The following ZNF423 variants were observed in gnomAD, a reference collection of about 807,000 sequenced individuals.
The protein encoded by ZNF423 is zinc finger protein 423.
ZNF423 carries 12 observed loss-of-function variants against 95.8 expected under a neutral mutation model. The ratio of observed to expected loss-of-function variants is 0.13; its 90% CI spans 0.08 to 0.20. The LOEUF (loss-of-function observed/expected upper bound fraction) is 0.20, where lower values mean the gene tolerates loss of function less well. Ranked by LOEUF, ZNF423 falls within the 10% of genes least tolerant of loss-of-function variation. The probability of loss-of-function intolerance (pLI) is 1.00; values close to 1 mark genes in which losing one functional copy is unlikely to be tolerated. For synonymous variants in ZNF423, 749 were observed against 711.9 expected, an observed-to-expected ratio of 1.05 and a Z score of -0.83; for missense variants, 1,316 against 1,737.1, an observed-to-expected ratio of 0.76 and a Z score of 4.31.
intron 7 of ZNF423, among the ~76,000 whole-genome samples, chr16:49,509,480 C>T (rs1967794308): frequency 2.6e-5 from 4 of 152,192 alleles, no homozygotes; most frequent in African/African-American, 7.2e-5. Flanking sequence ...CCCAGCACCT[C>T]GCCTCTCCTA....
At chr16:49,700,291 G>A (rs746952326) in intron 3 of ZNF423, among the ~76,000 whole-genome samples, 13 of 151,796 alleles carry the variant, frequency 8.6e-5, no homozygotes, top group South Asian at 2.1e-4. Context: ...TTGGAAATTG[G>A]TCGGAACAAA....
At chr16:49,670,004 G>A (rs1701850268) in intron 3 of ZNF423, among the ~76,000 whole-genome samples, 1 of 152,246 alleles carries the variant, frequency 6.6e-6, no homozygotes, top group African/African-American at 2.4e-5. Context: ...GAGACGCCAA[G>A]GGCAAGCCCC....
chr16:49,735,531 TCCTCCA>T, intron 2 of ZNF423, among the ~76,000 whole-genome samples: 1 of 152,138 alleles, frequency 6.6e-6, no homozygotes, highest in Non-Finnish European at 1.5e-5. Flanking sequence ...GACCGAATTC[TCCTCCA>T]CAGTCCCCCT....
At chr16:49,692,221 C>CTGG (rs1413972255) in intron 3 of ZNF423, among the ~76,000 whole-genome samples, 1 of 152,094 alleles carries the variant, frequency 6.6e-6, no homozygotes, top group East Asian at 1.9e-4. Flanking sequence ...TCCCAAAGTG[C>CTGG]TGGGATGACA....
intron 4 of ZNF423, among the ~76,000 whole-genome samples, chr16:49,627,415 C>G (rs1372379888): frequency 6.7e-6 from 1 of 149,800 alleles, no homozygotes; most frequent in Non-Finnish European, 1.5e-5. Context: ...TCCACCCATC[C>G]ATCCATCCTC....
chr16:49,630,964 T>A (rs1267031376), intron 4 of ZNF423, among the ~76,000 whole-genome samples: 1 of 151,974 alleles, frequency 6.6e-6, no homozygotes, highest in African/African-American at 2.4e-5. Context: ...TGCATTCACA[T>A]GCTCACTTTC....
At chr16:49,660,302 T>C (rs1478404447) in intron 3 of ZNF423, among the ~76,000 whole-genome samples, 1 of 152,148 alleles carries the variant, frequency 6.6e-6, no homozygotes, top group Non-Finnish European at 1.5e-5. Context: ...GATGGATGGA[T>C]GAAATACTGA....
intron 3 of ZNF423, among the ~76,000 whole-genome samples, chr16:49,722,880 C>A (rs932046553): frequency 2.0e-5 from 3 of 152,056 alleles, no homozygotes; most frequent in Non-Finnish European, 4.4e-5. Context: ...TGATCTGTGC[C>A]ATTCTGGTAT....
intron 3 of ZNF423, among the ~76,000 whole-genome samples, chr16:49,646,437 G>A (rs1973169376): frequency 6.6e-6 from 1 of 152,106 alleles, no homozygotes; most frequent in African/African-American, 2.4e-5. Flanking sequence ...TGTAAAACTA[G>A]CATCAGTGTA....
At chr16:49,685,218 C>A (rs985254637) in intron 3 of ZNF423, among the ~76,000 whole-genome samples, 6 of 152,178 alleles carry the variant, frequency 3.9e-5, no homozygotes, top group Non-Finnish European at 7.4e-5. Context: ...GCAGAATCTT[C>A]CCCCATCAAG....
intron 3 of ZNF423, among the ~76,000 whole-genome samples, chr16:49,689,008 C>T (rs1032276812): frequency 6.6e-6 from 1 of 152,200 alleles, no homozygotes; most frequent in African/African-American, 2.4e-5. Flanking sequence ...TACCAGGCAC[C>T]TCAGGAGATC....
At chr16:49,854,285 T>C in intron 1 of ZNF423, 1 of 985,382 alleles carries the variant, frequency 1.0e-6, no homozygotes, top group African/African-American at 1.7e-5. Context: ...TTGGACTCAG[T>C]TGGTCTCCTT....
intron 3 of ZNF423, among the ~76,000 whole-genome samples, chr16:49,717,225 C>A (rs1481761575): frequency 1.3e-5 from 2 of 151,880 alleles, no homozygotes; most frequent in Non-Finnish European, 2.9e-5. Context: ...CCCCCACTGC[C>A]CTGGCACACA....
chr16:49,823,350 A>C (rs535040198), intron 1 of ZNF423, among the ~76,000 whole-genome samples: 1 of 152,336 alleles, frequency 6.6e-6, no homozygotes, highest in Admixed American at 6.5e-5. Flanking sequence ...TCTGCTAAGC[A>C]CTTTACACAC....
chr16:49,609,681 A>C lies in ZNF423; in HGVS notation c.3601+16489T>G, dbSNP rs762701936. 2.5e-4 allele frequency among the ~76,000 whole-genome samples: 38 copies of C among 152,220 alleles called. No individual in the cohort carries two copies. The Middle Eastern group carries it at 0.01, about 41-fold the overall frequency. The stretch of plus-strand genomic sequence containing the variant: ...AGATAGAATAATAAAAATCACCCAG[A>C]GTTTCAGGGGCCAGTGGGACTATAA... On this transcript the variant is annotated intron_variant, in intron 5 of 7. Coordinates refer to ENST00000563137, the MANE Select transcript of ZNF423 (RefSeq NM_001379286.1).
chr16:49,794,211 GT>G (rs945996895), intron 1 of ZNF423, among the ~76,000 whole-genome samples: 4 of 147,036 alleles, frequency 2.7e-5, no homozygotes, highest in Admixed American at 6.9e-5. Context: ...GATTTTTGTA[GT>G]TTTTTTTGTT....
At chr16:49,791,033 G>A (rs1011140861) in intron 1 of ZNF423, among the ~76,000 whole-genome samples, 1 of 152,124 alleles carries the variant, frequency 6.6e-6, no homozygotes, top group Non-Finnish European at 1.5e-5. Context: ...TGTAACCATG[G>A]TCTTCCTCCT....
At chr16:49,823,750 T>A (rs1371541001) in intron 1 of ZNF423, among the ~76,000 whole-genome samples, 1 of 151,996 alleles carries the variant, frequency 6.6e-6, no homozygotes, top group Non-Finnish European at 1.5e-5. Flanking sequence ...CACACACACA[T>A]ACACACTTGC....
chr16:49,550,837 C>T (rs1027847231), intron 5 of ZNF423, among the ~76,000 whole-genome samples: 5 of 152,258 alleles, frequency 3.3e-5, no homozygotes, highest in African/African-American at 1.2e-4. Flanking sequence ...TGCCCCCAGC[C>T]TGCTGGGCAG....
Sources: gnomAD v4.1 joint callset for allele counts (sites outside exome capture counted in the v4.1 genomes callset) on GRCh38, gnomAD v4.1.1 for gene constraint, MANE v1.5 for transcripts, NCBI Gene and HGNC (gene_info 2026-07-23, HGNC 2026-07-21) for gene names.